CLEC16A: variants seen among roughly 807,000 people sequenced by gnomAD.
CLEC16A encodes the protein protein CLEC16A.
CLEC16A carries 51 observed loss-of-function variants against 109.5 expected under a neutral mutation model. The ratio of observed to expected loss-of-function variants is 0.47; its 90% CI spans 0.37 to 0.59. The LOEUF is 0.59. Ranked by LOEUF, CLEC16A falls within the 20% of genes least tolerant of loss-of-function variation. The pLI, the probability that CLEC16A is intolerant of heterozygous loss-of-function variation, is 0.00. For synonymous variants in CLEC16A, 673 were observed against 564.2 expected (o/e 1.19, Z -2.73); for missense variants, 1,339 against 1,394.0 (o/e 0.96, Z 0.63).
chr16:11,129,744 A>G (rs1216132557), intron 22 of CLEC16A, among the ~76,000 whole-genome samples: 1 of 148,002 alleles, frequency 6.8e-6, no homozygotes, highest in East Asian at 2.0e-4. Flanking sequence ...CCCTCCCGCC[A>G]CTGCATTGGC....
chr16:11,060,841 G>A (rs2152903970), intron 18 of CLEC16A, 61 bp from the exon 19 acceptor site: 4 of 1,453,114 alleles, frequency 2.8e-6, no homozygotes, highest in East Asian at 5.2e-5. Context: ...TGGGTGTGGG[G>A]CATCTCACTG....
At chr16:11,143,662 G>A (rs1053122125) in intron 22 of CLEC16A, among the ~76,000 whole-genome samples, 4 of 152,172 alleles carry the variant, frequency 2.6e-5, no homozygotes, top group African/African-American at 4.8e-5. Context: ...GTGCAGGGGC[G>A]CCCAGGGTGA....
At chr16:11,104,938 C>T (rs2051128929) in intron 19 of CLEC16A, among the ~76,000 whole-genome samples, 1 of 152,196 alleles carries the variant, frequency 6.6e-6, no homozygotes, top group South Asian at 2.1e-4. Context: ...ACCCTTGTTC[C>T]TGGGCTGCTG....
At chr16:11,168,650 T>A (rs776645059) in intron 23 of CLEC16A, among the ~76,000 whole-genome samples, 13 of 152,222 alleles carry the variant, frequency 8.5e-5, no homozygotes, top group Admixed American at 6.5e-4. Flanking sequence ...CTCCTCCCTG[T>A]CTTGAGGCCA....
chr16:11,042,458 C>A (rs921288813), intron 15 of CLEC16A, 95 bp downstream of exon 15: 2 of 953,658 alleles, frequency 2.1e-6, no homozygotes, highest in Non-Finnish European at 3.1e-6. Context: ...AGCCCTGGCC[C>A]GTGGTGTCAT....
rs554920844 is a variant in CLEC16A, at chr16:10,977,512, TTTTG to T, written c.903+125_903+128del. The T allele has an allele frequency of 2.7e-4, 266 of 996,434 alleles. 2 individuals carry two copies. In the African/African-American group the frequency reaches 3.8e-3, roughly 14 times the overall value. The allele number at this position is 996,434 out of a possible 1,614,324, so 61.7% of individuals were successfully genotyped here. On this transcript the variant is annotated intron_variant, in intron 8 of 23. Transcript: ENST00000409790. Reference sequence around the variant, plus strand: ...TTGCAAATCAGGACTGAGGTTTTTTTTTTGTTTGTTTGTTTTTAAAAGACGGAGT... The same window carrying T: ...TTGCAAATCAGGACTGAGGTTTTTTTTTTGTTTGTTTTTAAAAGACGGAGT...
At chr16:11,129,732 T>A (rs924201140) in intron 22 of CLEC16A, among the ~76,000 whole-genome samples, 1 of 150,526 alleles carries the variant, frequency 6.6e-6, no homozygotes, top group South Asian at 2.1e-4. Context: ...GCTAGGGTTG[T>A]CCCCTCCCGC....
chr16:11,127,453 C>T (rs773992575), intron 22 of CLEC16A, among the ~76,000 whole-genome samples: 1 of 152,194 alleles, frequency 6.6e-6, no homozygotes, highest in Non-Finnish European at 1.5e-5. Context: ...AAATTCCTAG[C>T]AGTGAATTTG....
At chr16:11,024,645 A>C in intron 12 of CLEC16A, 176 bp from the exon 13 acceptor site, 1 of 546,642 alleles carries the variant, frequency 1.8e-6, no homozygotes, top group Non-Finnish European at 3.3e-6. Context: ...CGGCTTCCGC[A>C]GGCAGAGCCT....
chr16:10,970,081 T>C (rs898204922), intron 4 of CLEC16A, among the ~76,000 whole-genome samples: 7 of 152,210 alleles, frequency 4.6e-5, no homozygotes, highest in Non-Finnish European at 1.0e-4. Flanking sequence ...ATAGGGTCAA[T>C]GTATCACCCA....
chr16:11,158,736 A>G (rs2054618377), intron 22 of CLEC16A, among the ~76,000 whole-genome samples: 2 of 152,156 alleles, frequency 1.3e-5, no homozygotes, highest in Non-Finnish European at 2.9e-5. Flanking sequence ...CAGCCTGCCC[A>G]ACTTGGTGAC....
At chr16:11,033,959 T>C (rs2046885503) in intron 13 of CLEC16A, among the ~76,000 whole-genome samples, 1 of 152,160 alleles carries the variant, frequency 6.6e-6, no homozygotes, top group Non-Finnish European at 1.5e-5. Flanking sequence ...TTTTACAGCT[T>C]TTGTATCTTG....
intron 17 of CLEC16A, among the ~76,000 whole-genome samples, chr16:11,051,100 C>G (rs912790116): frequency 6.6e-6 from 1 of 152,186 alleles, no homozygotes; most frequent in Non-Finnish European, 1.5e-5. Flanking sequence ...AAGCTGCCAT[C>G]GCCATAGCTG....
intron 22 of CLEC16A, among the ~76,000 whole-genome samples, chr16:11,163,377 G>A (rs1340774284): frequency 2.0e-5 from 3 of 152,224 alleles, no homozygotes; most frequent in African/African-American, 7.2e-5. Flanking sequence ...GAGAGAGAGT[G>A]GAAAGGAGGG....
chr16:10,973,243 A>C (rs1205980730), intron 7 of CLEC16A, among the ~76,000 whole-genome samples, 182 bp downstream of exon 7: 3 of 152,152 alleles, frequency 2.0e-5, no homozygotes, highest in East Asian at 3.8e-4. Flanking sequence ...GCTGGAAACA[A>C]CTCAGACGCC....
At chr16:11,124,844 C>T (rs1350849592) in intron 21 of CLEC16A, among the ~76,000 whole-genome samples, 3 of 152,204 alleles carry the variant, frequency 2.0e-5, no homozygotes, top group Non-Finnish European at 4.4e-5. Context: ...CTCAGCACTT[C>T]GGGAGGCCAA....
chr16:11,133,842 C>T (rs2053393430), intron 22 of CLEC16A, among the ~76,000 whole-genome samples: 1 of 152,168 alleles, frequency 6.6e-6, no homozygotes, highest in African/African-American at 2.4e-5. Flanking sequence ...CCAGCTTCTC[C>T]AGCCCGGTCT....
chr16:10,971,008 ATTTT>A (rs35498388), intron 4 of CLEC16A, 113 bp from the exon 5 acceptor site: 275 of 505,966 alleles, frequency 5.4e-4, no homozygotes, highest in Non-Finnish European at 5.9e-4. Context: ...CATTGGCAAC[ATTTT>A]TTTTTTTTTT....
At chr16:11,144,088 C>A (rs776950883) in intron 22 of CLEC16A, among the ~76,000 whole-genome samples, 58 of 152,184 alleles carry the variant, frequency 3.8e-4, no homozygotes, top group Non-Finnish European at 6.9e-4. Context: ...AGAGTGCCTC[C>A]TAGCCCTGTC....
Sources: allele counts gnomAD v4.1 joint callset (sites outside exome capture counted in the v4.1 genomes callset), GRCh38; gene constraint gnomAD v4.1.1; transcripts MANE v1.5; gene names NCBI Gene and HGNC (gene_info 2026-07-23, HGNC 2026-07-21).